Variants in CSMD3 observed in about 807,000 individuals in gnomAD.
CSMD3 encodes the protein CUB and Sushi multiple domains 3, also known as CUB and sushi domain-containing protein 3.
In CSMD3, 177 loss-of-function variants were observed where a neutral mutation model predicts 435.2. The ratio of observed to expected loss-of-function variants is 0.41; its 90% CI spans 0.36 to 0.46. CSMD3 has a LOEUF of 0.46. CSMD3 is among the 20% of genes least tolerant of loss of function. The pLI, the probability that CSMD3 is intolerant of heterozygous loss-of-function variation, is 0.34. For missense variants in CSMD3, 4,265 were observed against 4,504.6 expected (o/e 0.95, Z 1.52); for synonymous variants, 1,656 against 1,520.5 (o/e 1.09, Z -2.07).
At chr8:113,325,614 T>G (rs1277655239) in intron 1 of CSMD3, among the ~76,000 whole-genome samples, 1 of 152,174 alleles carries the variant, frequency 6.6e-6, no homozygotes, top group African/African-American at 2.4e-5. Context: ...ACACTCAAGT[T>G]TCTCAGTCTA....
intron 12 of CSMD3, 72 bp from the exon 13 acceptor site, chr8:112,800,346 A>T: frequency 1.0e-6 from 1 of 996,768 alleles, no homozygotes; most frequent in South Asian, 1.3e-5. Context: ...TATAAGACAG[A>T]TGTGTTTCTC....
At chr8:113,082,040 A>G (rs897877163) in intron 5 of CSMD3, among the ~76,000 whole-genome samples, 13 of 151,996 alleles carry the variant, frequency 8.6e-5, no homozygotes, top group Non-Finnish European at 1.6e-4. Context: ...CACCCTGACC[A>G]TCACTATGTG....
chr8:113,044,588 T>G (rs2087754050), intron 5 of CSMD3, among the ~76,000 whole-genome samples: 1 of 149,044 alleles, frequency 6.7e-6, no homozygotes, highest in Admixed American at 6.7e-5. Flanking sequence ...TCCTTAAAAT[T>G]TAGTGGATTC....
intron 32 of CSMD3, among the ~76,000 whole-genome samples, chr8:112,446,221 C>T (rs1249893785): frequency 6.6e-6 from 1 of 152,134 alleles, no homozygotes; most frequent in South Asian, 2.1e-4. Context: ...TACAATGTGT[C>T]CCCTGATTGC....
At chr8:112,271,396 A>T (rs1817520158) in intron 59 of CSMD3, among the ~76,000 whole-genome samples, 1 of 152,174 alleles carries the variant, frequency 6.6e-6, no homozygotes. Context: ...ATAGGTCATA[A>T]ATTAATGAGA....
intron 13 of CSMD3, among the ~76,000 whole-genome samples, chr8:112,742,156 G>A (rs917430488): frequency 2.6e-5 from 4 of 151,800 alleles, no homozygotes; most frequent in Non-Finnish European, 5.9e-5. Flanking sequence ...ACACACAAAC[G>A]CTAAGGTAGA....
chr8:112,707,925 T>C (rs1454127173), intron 13 of CSMD3, among the ~76,000 whole-genome samples: 2 of 152,122 alleles, frequency 1.3e-5, no homozygotes, highest in Non-Finnish European at 2.9e-5. Flanking sequence ...TATTTAACAA[T>C]AGTACATGCC....
At chr8:113,182,756 C>A (rs74924374) in intron 3 of CSMD3, among the ~76,000 whole-genome samples, 3,509 of 152,046 alleles carry the variant, frequency 0.023, 65 homozygotes, top group Non-Finnish European at 0.037. Context: ...TAAGGAGAAG[C>A]TGGGTTGCTG....
intron 12 of CSMD3, 61 bp from the exon 13 acceptor site, chr8:112,800,335 T>C: frequency 1.9e-6 from 2 of 1,053,726 alleles, no homozygotes; most frequent in Non-Finnish European, 1.5e-6. Context: ...TGCATACAAA[T>C]TATAAGACAG....
Position 112,623,519 on chromosome 8 carries a change from AT to A in CSMD3, c.3715+13297del, listed in dbSNP as rs142291328. ...CTTCATTGATGAGAATATTTTATTC[AT>A]TTTTTTTATTATACTTTAAGTTTTA... On this transcript the variant is annotated intron_variant, in intron 22 of 70. Transcript: ENST00000297405. Among the ~76,000 whole-genome samples the A allele has an allele frequency of 9.3e-3, 1,416 of 151,834 alleles. 13 individuals carry two copies. Among genetic ancestry groups the A allele is most frequent in the Admixed American group, 0.014 (219 of 15,220 alleles).
chr8:113,255,939 TATAC>T (rs2093376752), intron 3 of CSMD3, among the ~76,000 whole-genome samples: 1 of 152,002 alleles, frequency 6.6e-6, no homozygotes, highest in South Asian at 2.1e-4. Flanking sequence ...ATAAAGTAAT[TATAC>T]ATAGACTGTG....
At chr8:113,432,823 A>T (rs544008403) in intron 1 of CSMD3, among the ~76,000 whole-genome samples, 1 of 152,092 alleles carries the variant, frequency 6.6e-6, no homozygotes, top group African/African-American at 2.4e-5. Context: ...AGTCCTGGGA[A>T]CATTAAAGCG....
intron 32 of CSMD3, among the ~76,000 whole-genome samples, chr8:112,463,078 C>G (rs542320536): frequency 6.6e-6 from 1 of 152,178 alleles, no homozygotes; most frequent in East Asian, 1.9e-4. Flanking sequence ...CAAACCAGGG[C>G]TGGGCGCAGT....
intron 4 of CSMD3, among the ~76,000 whole-genome samples, chr8:113,171,715 C>G (rs1385683648): frequency 6.6e-6 from 1 of 152,162 alleles, no homozygotes; most frequent in Non-Finnish European, 1.5e-5. Context: ...TCAGACCTTG[C>G]TTCTTTACCA....
chr8:112,492,933 G>A (rs1253737032), intron 30 of CSMD3, among the ~76,000 whole-genome samples: 1 of 152,116 alleles, frequency 6.6e-6, no homozygotes, highest in Non-Finnish European at 1.5e-5. Flanking sequence ...ATGTATGTGG[G>A]AGGATGTATA....
chr8:113,427,239 T>C (rs1456765034), intron 1 of CSMD3, among the ~76,000 whole-genome samples: 1 of 151,476 alleles, frequency 6.6e-6, no homozygotes, highest in Non-Finnish European at 1.5e-5. Flanking sequence ...AGCACTTAAG[T>C]ATAATTTAAT....
intron 13 of CSMD3, among the ~76,000 whole-genome samples, chr8:112,768,162 A>T (rs1428800336): frequency 2.0e-5 from 3 of 151,524 alleles, no homozygotes; most frequent in African/African-American, 7.2e-5. Flanking sequence ...CATAATATAA[A>T]TATATATAAA....
Position 112,301,812 on chromosome 8 carries a change from T to C in CSMD3, c.8421A>G (p.Glu2807=). Residue 2807 remains glutamate (E), a synonymous_variant, in exon 53 of 71, where the codon GAA becomes GAG. Coordinates refer to ENST00000297405, the MANE Select transcript of CSMD3 (RefSeq NM_198123.2). ...RECLSSGLWS[E]SETRCLAGHC... is the part of the protein sequence containing the mutation. ...CTGTACCTAGGCATCTGGTTTCAGA[T>C]TCACTCCAAAGACCTGAGGAAAGGC... is the stretch of plus-strand genomic sequence containing the variant. 6.2e-7 allele frequency: 1 copy of C among 1,613,810 alleles called. No individual in the cohort carries two copies. Among genetic ancestry groups the C allele is most frequent in the Middle Eastern group, 1.6e-4 (1 of 6,062 alleles).
rs560453785 is a variant in CSMD3 at position 112,386,122 on chromosome 8, A to C, written c.5935-2459T>G. Among the ~76,000 whole-genome samples, 3 of 152,278 alleles carry C rather than the reference A, an allele frequency of 2.0e-5. 1 individual carries two copies. The South Asian group carries it at 6.2e-4, about 32-fold the overall frequency. ...CACTAGAAGCTGGAAAAAACCAAGG[A>C]AGAGATGCTGTCATTCCTGAGACCC... is the stretch of plus-strand genomic sequence containing the variant. On this transcript the variant is annotated intron_variant, in intron 36 of 70. Coordinates refer to ENST00000297405, the MANE Select transcript of CSMD3 (RefSeq NM_198123.2).
Sources: allele counts gnomAD v4.1 joint callset (sites outside exome capture counted in the v4.1 genomes callset), GRCh38; gene constraint gnomAD v4.1.1; transcripts MANE v1.5; gene names NCBI Gene and HGNC (gene_info 2026-07-23, HGNC 2026-07-21).